Variants in SATB2 observed in about 807,000 individuals in gnomAD.
SATB2 encodes the protein DNA-binding protein SATB2.
SATB2 carries 1 observed loss-of-function variant against 73.4 expected under a neutral mutation model. That is an observed-to-expected ratio of 0.01 (90% CI 0.00 to 0.06). The LOEUF (loss-of-function observed/expected upper bound fraction) is 0.06. SATB2 is among the 10% of genes least tolerant of loss of function. SATB2 has a pLI of 1.00. For missense variants in SATB2, 459 were observed against 945.8 expected, an observed-to-expected ratio of 0.49 and a Z score of 6.75; for synonymous variants, 397 against 367.0, an observed-to-expected ratio of 1.08 and a Z score of -0.93.
intron 3 of SATB2, among the ~76,000 whole-genome samples, chr2:199,399,589 C>T (rs187775154): frequency 1.3e-5 from 2 of 152,290 alleles, no homozygotes; most frequent in South Asian, 2.1e-4. Flanking sequence ...CATTGGCTCA[C>T]GGTTCCACAG....
rs1011149867 is a variant in SATB2 at position 199,296,882 on chromosome 2, A to G, written c.1740+11878T>C. Among the ~76,000 whole-genome samples, 201 of 152,190 alleles carry G rather than the reference A, an allele frequency of 1.3e-3. 2 individuals carry two copies. Among genetic ancestry groups the G allele is most frequent in the African/African-American group, 4.8e-3 (197 of 41,450 alleles). ...TTCATTGAAACTAGAAATAGAGAGT[A>G]ATATTTATTCTTTATAAGATGCTCT... is the stretch of plus-strand genomic sequence containing the variant. On this transcript the variant is annotated intron_variant, in intron 10 of 10. Coordinates refer to ENST00000417098, the MANE Select transcript of SATB2 (RefSeq NM_001172509.2).
intron 5 of SATB2, among the ~76,000 whole-genome samples, chr2:199,375,831 G>A (rs997393812): frequency 6.6e-6 from 1 of 152,136 alleles, no homozygotes; most frequent in African/African-American, 2.4e-5. Flanking sequence ...CAGATTCACT[G>A]TTATATCCCC....
rs371055439 is a variant in SATB2, at chr2:199,382,851, T to A, written c.347-1031A>T. 5.9e-5 allele frequency among the ~76,000 whole-genome samples: 9 copies of A among 152,294 alleles called. No homozygotes were observed. The South Asian group carries it at 1.5e-3, about 25-fold the overall frequency. ...GATAAAAGAAAAACAGCATTTTTAT[T>A]TTTGACAATACAGGTGAGTCCAACT... is the stretch of plus-strand genomic sequence containing the variant. On this transcript the variant is annotated intron_variant, in intron 3 of 10. Transcript: ENST00000417098.
upstream of SATB2, chr2:199,468,276 G>T (rs1692631247): frequency 6.6e-6 from 1 of 151,772 alleles, no homozygotes; most frequent in Non-Finnish European, 1.5e-5. Flanking sequence ...GAGGACTGGG[G>T]TGGGTGGGTC....
chr2:199,337,489 G>A (rs1442620284), intron 7 of SATB2, among the ~76,000 whole-genome samples: 1 of 152,156 alleles, frequency 6.6e-6, no homozygotes, highest in African/African-American at 2.4e-5. Context: ...TTAATACATG[G>A]TAATAGCATT....
Position 199,272,138 on chromosome 2 carries a change from CA to C in SATB2, c.*72del, listed in dbSNP as rs1692175639. On this transcript the variant is annotated 3_prime_UTR_variant, in exon 11 of 11. Coordinates refer to ENST00000417098, the MANE Select transcript of SATB2 (RefSeq NM_001172509.2). The surrounding 1 kb of genome is among the most constrained non-coding windows in gnomAD (Gnocchi z 6.7). ...AAAACAAAAACAAAAAACAAACTAA[CA>C]AAAAACTTTTAAAGAAATGAAAGCA... 3 of 1,470,410 alleles carry C rather than the reference CA, an allele frequency of 2.0e-6. No individual in the cohort carries two copies. The highest frequency in any genetic ancestry group is 2.8e-5 in the African/African-American group (2 of 71,948). The allele number at this position is 1,470,410 out of a possible 1,614,324, so 91.1% of individuals were successfully genotyped here.
intron 3 of SATB2, among the ~76,000 whole-genome samples, chr2:199,416,367 C>T (rs950236406): frequency 1.3e-5 from 2 of 152,142 alleles, no homozygotes; most frequent in Admixed American, 6.5e-5. Context: ...GATTTACCTT[C>T]GTAATTACAC....
intron 6 of SATB2, among the ~76,000 whole-genome samples, chr2:199,364,264 A>T (rs753729925): frequency 3.9e-5 from 6 of 152,190 alleles, no homozygotes; most frequent in Non-Finnish European, 8.8e-5. Flanking sequence ...ACTTTAGTAC[A>T]GAGGACTAGT....
intron 2 of SATB2, among the ~76,000 whole-genome samples, chr2:199,437,603 C>T (rs1215270286): frequency 6.6e-6 from 1 of 152,138 alleles, no homozygotes; most frequent in Admixed American, 6.5e-5. Flanking sequence ...CTGTGTGTGA[C>T]CTTGAGTAGT....
chr2:199,359,168 G>T (rs1039147812), intron 6 of SATB2, among the ~76,000 whole-genome samples: 1 of 152,116 alleles, frequency 6.6e-6, no homozygotes, highest in East Asian at 1.9e-4. Context: ...CCTACCTGAA[G>T]AAAAGTTAAT....
chr2:199,453,252 T>C (rs1206375120), intron 2 of SATB2, among the ~76,000 whole-genome samples: 2 of 152,090 alleles, frequency 1.3e-5, no homozygotes, highest in African/African-American at 4.8e-5. Context: ...TGATCTCCCT[T>C]ATTTTTAAAA....
At chr2:199,409,078 G>A (rs1690726645) in intron 3 of SATB2, among the ~76,000 whole-genome samples, 1 of 151,922 alleles carries the variant, frequency 6.6e-6, no homozygotes. Flanking sequence ...TAGACGGGAG[G>A]GTATGATGAT....
intron 10 of SATB2, among the ~76,000 whole-genome samples, chr2:199,297,932 TA>T (rs11334377): frequency 0.73 from 110,411 of 151,926 alleles, 41,432 homozygotes; most frequent in South Asian, 0.85. Context: ...TAATAACTTT[TA>T]AAAAAAGCTT....
chr2:199,405,352 G>A (rs1395773306), intron 3 of SATB2, among the ~76,000 whole-genome samples: 2 of 152,124 alleles, frequency 1.3e-5, no homozygotes, highest in African/African-American at 2.4e-5. Flanking sequence ...AAAACTTGGG[G>A]ACATGAGACT....
intron 6 of SATB2, among the ~76,000 whole-genome samples, chr2:199,361,758 T>TATCAACATTTGGTGTCACTACCCTCCCTA (rs1689144188): frequency 1.5e-5 from 2 of 137,060 alleles, no homozygotes; most frequent in Admixed American, 7.2e-5. Context: ...CAACCATTTC[T>TATCAACATTTGGTGTCACTACCCTCCCTA]TTTTTTTTTT....
intron 3 of SATB2, among the ~76,000 whole-genome samples, chr2:199,400,905 T>C (rs568827515): frequency 3.9e-5 from 6 of 152,326 alleles, no homozygotes; most frequent in Non-Finnish European, 7.3e-5. Flanking sequence ...TTAACCTACA[T>C]TGGTTATATT....
chr2:199,428,996 ACT>A (rs1246206465), intron 3 of SATB2, among the ~76,000 whole-genome samples: 3 of 144,790 alleles, frequency 2.1e-5, no homozygotes, highest in African/African-American at 7.7e-5. Flanking sequence ...ACACATCAAG[ACT>A]CTGTCTCAAA....
intron 9 of SATB2, among the ~76,000 whole-genome samples, chr2:199,319,888 T>C (rs538061589): frequency 6.0e-4 from 91 of 152,024 alleles, no homozygotes; most frequent in African/African-American, 2.1e-3. Context: ...AATGGGGTAA[T>C]TGATGTCAAG....
chr2:199,430,824 T>A (rs907363681), intron 3 of SATB2, among the ~76,000 whole-genome samples: 13 of 152,188 alleles, frequency 8.5e-5, no homozygotes, highest in Non-Finnish European at 1.5e-5. Context: ...TGCTAACGTA[T>A]CTCCTCCTTT....
Sources: allele counts gnomAD v4.1 joint callset (sites outside exome capture counted in the v4.1 genomes callset), GRCh38; gene constraint gnomAD v4.1.1; non-coding constraint Gnocchi (gnomAD v3.1); transcripts MANE v1.5; gene names NCBI Gene and HGNC (gene_info 2026-07-23, HGNC 2026-07-21).